The following DLG5 variants were observed in gnomAD, a reference collection of about 807,000 sequenced individuals.
DLG5 encodes the protein disks large homolog 5.
In DLG5, 48 loss-of-function variants were observed where a neutral mutation model predicts 189.8. The observed-to-expected ratio is 0.25, with a 90% CI of 0.20 to 0.32. The LOEUF is 0.32. DLG5 is among the 10% of genes least tolerant of loss of function. The probability of loss-of-function intolerance (pLI) is 1.00; values close to 1 mark genes in which losing one functional copy is unlikely to be tolerated. For synonymous variants in DLG5, 1,016 were observed against 1,054.1 expected, an observed-to-expected ratio of 0.96 and a Z score of 0.70; for missense variants, 2,160 against 2,544.7, an observed-to-expected ratio of 0.85 and a Z score of 3.25.
chr10:77,890,983 C>T (rs1348581336), intron 1 of DLG5, among the ~76,000 whole-genome samples: 1 of 152,232 alleles, frequency 6.6e-6, no homozygotes, highest in African/African-American at 2.4e-5. Flanking sequence ...TTGCTTATCA[C>T]ACCCAGCCCA....
rs367890740 is a variant in DLG5, at chr10:77,796,218, G to A, written c.5309-30C>T. ...AATGCACAGACACAGGAATCAGGGA[G>A]CCCCAGGCCCTGCTGAGCCCCAGCA... On this transcript the variant is annotated intron_variant, in intron 28 of 31. Transcript: ENST00000372391. The surrounding 1 kb of genome is among the most constrained non-coding windows in gnomAD (Gnocchi z 5.2). 44 of 1,613,676 alleles carry A rather than the reference G, an allele frequency of 2.7e-5. No homozygotes were observed. The African/African-American group carries it at 5.7e-4, about 21-fold the overall frequency.
At chr10:77,910,551 G>C (rs956005385) in intron 1 of DLG5, among the ~76,000 whole-genome samples, 1 of 152,094 alleles carries the variant, frequency 6.6e-6, no homozygotes, top group Non-Finnish European at 1.5e-5. Context: ...GCCTGCTCCT[G>C]GTAAAGAAGT....
Position 77,811,128 on chromosome 10 carries a change from G to A in DLG5, c.4429C>T (p.Pro1477Ser). The A allele has an allele frequency of 6.2e-7, 1 of 1,612,404 alleles. No homozygotes were observed. ...CTCTGCTTGGCTGGGGGGGTGCTAG[G>A]CCCCTCGTCCTGCTCCATCAGTGGG... ...IDPLMEQDEG[P>S]STPPAKQSSS... Residue 1477 changes from proline to serine, a missense_variant, in exon 23 of 32, where the codon CCT becomes TCT. Transcript: ENST00000372391.
intron 1 of DLG5, among the ~76,000 whole-genome samples, chr10:77,907,307 G>A (rs917904999): frequency 2.6e-5 from 4 of 152,146 alleles, no homozygotes; most frequent in Admixed American, 6.5e-5. Flanking sequence ...GGGCCGGCGC[G>A]GTGACTCATG....
the DLG5 span, among the ~76,000 whole-genome samples, chr10:77,937,448 G>C: frequency 1.3e-5 from 2 of 152,130 alleles, no homozygotes; most frequent in Admixed American, 1.3e-4. Flanking sequence ...CTAGGGACAG[G>C]GACCCTGTGC....
At chr10:77,934,055 A>C in the DLG5 span, among the ~76,000 whole-genome samples, 1 of 150,394 alleles carries the variant, frequency 6.6e-6, no homozygotes, top group Middle Eastern at 3.5e-3. Flanking sequence ...CTCCAAAAAA[A>C]TAAAAATAAA....
Position 77,920,397 on chromosome 10 carries a change from C to CGT in DLG5, c.304+5819_304+5820insAC, listed in dbSNP as rs200797027. 9.3e-3 allele frequency among the ~76,000 whole-genome samples: 1,423 copies of CGT among 152,310 alleles called. 18 individuals carry two copies. Among genetic ancestry groups the CGT allele is most frequent in the African/African-American group, 0.032 (1,337 of 41,548 alleles). ...CCCACTCCAGCAATGACCGCCTGTG[C>CGT]TAACTGTATTATCGCACAAAGGTGG... On this transcript the variant is annotated intron_variant, in intron 1 of 31. Transcript: ENST00000372391.
chr10:77,926,909 G>A, upstream of DLG5: 1 of 348,212 alleles, frequency 2.9e-6, no homozygotes, highest in Non-Finnish European at 5.9e-6. This position sits in a 1 kb window ranked among gnomAD's most constrained non-coding sequence, Gnocchi z 5.2. Context: ...AACTCGCCCC[G>A]AAAGCCGGGC....
intron 2 of DLG5, chr10:77,868,606 C>G (rs891623789): frequency 4.4e-6 from 1 of 226,312 alleles, no homozygotes; most frequent in Non-Finnish European, 8.8e-6. Context: ...AGAAACCCCA[C>G]TAGAGGTGCT....
At chr10:77,897,512 T>C (rs1277878638) in intron 1 of DLG5, among the ~76,000 whole-genome samples, 2 of 152,094 alleles carry the variant, frequency 1.3e-5, no homozygotes, top group African/African-American at 4.8e-5. Context: ...AACTAATGTT[T>C]AGGCAAACAG....
At chr10:77,932,898 C>G in the DLG5 span, among the ~76,000 whole-genome samples, 2 of 152,116 alleles carry the variant, frequency 1.3e-5, no homozygotes, top group African/African-American at 2.4e-5. Context: ...AACCCAAGTT[C>G]GAGGCCAAAC....
At chr10:77,830,680 G>A in intron 10 of DLG5, 61 bp downstream of exon 10, 2 of 1,593,368 alleles carry the variant, frequency 1.3e-6, no homozygotes, top group South Asian at 1.1e-5. Context: ...ACTGCAAGCG[G>A]GTCACCGTCT....
intron 2 of DLG5, 36 bp from the exon 3 acceptor site, chr10:77,856,928 A>C (rs373398637): frequency 1.1e-4 from 168 of 1,591,628 alleles, no homozygotes; most frequent in Middle Eastern, 6.8e-4. Context: ...ACTTGTGTTC[A>C]TCTGGCATTC....
At chr10:77,886,500 C>T (rs1845445880) in intron 1 of DLG5, among the ~76,000 whole-genome samples, 1 of 151,890 alleles carries the variant, frequency 6.6e-6, no homozygotes, top group South Asian at 2.1e-4. Flanking sequence ...ATTACAGGCA[C>T]ACACCACCAG....
At chr10:77,939,843 C>T in the DLG5 span, among the ~76,000 whole-genome samples, 1 of 152,334 alleles carries the variant, frequency 6.6e-6, no homozygotes, top group East Asian at 1.9e-4. Flanking sequence ...GTTGCAGCAG[C>T]AGCAGGCCAC....
intron 1 of DLG5, among the ~76,000 whole-genome samples, chr10:77,915,318 T>C (rs1258507238): frequency 2.7e-5 from 4 of 148,690 alleles, no homozygotes; most frequent in African/African-American, 5.0e-5. Context: ...CAGAGTGAGA[T>C]GCCGTTTCAA....
At chr10:77,898,140 C>T (rs1445718610) in intron 1 of DLG5, among the ~76,000 whole-genome samples, 1 of 152,188 alleles carries the variant, frequency 6.6e-6, no homozygotes, top group South Asian at 2.1e-4. Context: ...TCTCCATCAG[C>T]GCAGGTGACC....
chr10:77,809,797 G>A (rs1841670481), intron 23 of DLG5, 67 bp from the exon 24 acceptor site: 3 of 1,533,480 alleles, frequency 2.0e-6, no homozygotes, highest in Non-Finnish European at 2.7e-6. Flanking sequence ...CAAAGCAGTG[G>A]CCAATGCCCT....
chr10:77,930,190 C>T (rs1000976541), upstream of DLG5, among the ~76,000 whole-genome samples: 2 of 152,252 alleles, frequency 1.3e-5, no homozygotes, highest in South Asian at 2.1e-4. Flanking sequence ...TGAGTCTCCC[C>T]ATTCTCAAGG....
Sources: gnomAD v4.1 joint callset for allele counts (sites outside exome capture counted in the v4.1 genomes callset) on GRCh38, gnomAD v4.1.1 for gene constraint, Gnocchi (gnomAD v3.1) non-coding constraint, MANE v1.5 for transcripts, NCBI Gene and HGNC (gene_info 2026-07-23, HGNC 2026-07-21) for gene names.